The following GALNT11 variants were observed in gnomAD, a reference collection of about 807,000 sequenced individuals.
GALNT11 encodes the protein UDP-GalNAc:polypeptide N-acetylgalactosaminyltransferase 11.
In GALNT11, 47 loss-of-function variants were observed where a neutral mutation model predicts 72.7. The ratio of observed to expected loss-of-function variants is 0.65; its 90% confidence interval spans 0.51 to 0.82. GALNT11 has a LOEUF of 0.82. Among genes scored for constraint, GALNT11 ranks in the 40% least tolerant of loss-of-function variants. The pLI is 0.00. For missense variants in GALNT11, 677 were observed against 778.4 expected (o/e 0.87, Z 1.55); for synonymous variants, 270 against 286.6 (o/e 0.94, Z 0.58).
At chr7:152,048,167 T>C (rs1411045382) in intron 1 of GALNT11, among the ~76,000 whole-genome samples, 1 of 152,078 alleles carries the variant, frequency 6.6e-6, no homozygotes, top group Non-Finnish European at 1.5e-5. Flanking sequence ...AGAATATTTT[T>C]GCGGGATATA....
chr7:152,036,158 T>A (rs1245020504), intron 1 of GALNT11, among the ~76,000 whole-genome samples: 1 of 152,230 alleles, frequency 6.6e-6, no homozygotes, highest in Non-Finnish European at 1.5e-5. Context: ...TTGACTGTAG[T>A]CATGCTGTTG....
intron 1 of GALNT11, among the ~76,000 whole-genome samples, chr7:152,083,820 G>T (rs2085463584): frequency 6.6e-6 from 1 of 152,164 alleles, no homozygotes; most frequent in South Asian, 2.1e-4. Flanking sequence ...TTTTATCCAA[G>T]AATATGGCAT....
intron 1 of GALNT11, among the ~76,000 whole-genome samples, chr7:152,038,037 T>G (rs2151998990): frequency 6.6e-6 from 1 of 152,308 alleles, no homozygotes; most frequent in African/African-American, 2.4e-5. Context: ...CCCAAAGTGC[T>G]TGGATTACAG....
chr7:152,041,103 C>T lies in GALNT11; in HGVS notation c.-39+15219C>T, dbSNP rs147769375. 1.4e-3 allele frequency among the ~76,000 whole-genome samples: 206 copies of T among 152,270 alleles called. 1 individual carries two copies. Among genetic ancestry groups the T allele is most frequent in the East Asian group, 9.3e-3 (48 of 5,184 alleles). ...CAACTGGGAATCCTTGGGATCCTTC[C>T]GGAATCTCTTCCTTGGCATCTGGCT... On this transcript the variant is annotated intron_variant, in intron 1 of 11. Transcript: ENST00000430044.
intron 3 of GALNT11, 126 bp from the exon 4 acceptor site, chr7:152,102,986 A>G (rs2087115318): frequency 2.1e-6 from 2 of 934,440 alleles, no homozygotes; most frequent in Admixed American, 5.7e-5. Context: ...CGTCTCAAAA[A>G]AAAAAAAAAA....
chr7:152,113,712 CTTTTTTTTTTTTTTT>C (rs6150397), intron 8 of GALNT11, among the ~76,000 whole-genome samples: 209 of 96,916 alleles, frequency 2.2e-3, no homozygotes, highest in African/African-American at 3.5e-3. Flanking sequence ...AGTTGGCTTT[CTTTTTTTTTTTTTTT>C]TTTTTTTTTT....
chr7:152,099,541 T>G (rs1298100815), intron 2 of GALNT11, among the ~76,000 whole-genome samples: 3 of 130,284 alleles, frequency 2.3e-5, no homozygotes, highest in Admixed American at 7.7e-5. Context: ...TTTTTTTTTT[T>G]TTTTTTTTTT....
rs780911129 is a variant in GALNT11 at position 152,038,222 on chromosome 7, CA to C, written c.-39+12339del. 2.2e-3 allele frequency among the ~76,000 whole-genome samples: 335 copies of C among 152,232 alleles called. 1 individual carries two copies. Among genetic ancestry groups the C allele is most frequent in the Non-Finnish European group, 4.0e-3 (272 of 68,022 alleles). On this transcript the variant is annotated intron_variant, in intron 1 of 11. Coordinates refer to ENST00000430044, the MANE Select transcript of GALNT11 (RefSeq NM_022087.4). Reference sequence around the variant, plus strand: ...AAATATAGAGTGTGGAATGGGAAATCAGGGGCCTCACAGCCTTCAGAGCTGA... The same window carrying C: ...AAATATAGAGTGTGGAATGGGAAATCGGGGCCTCACAGCCTTCAGAGCTGA...
intron 1 of GALNT11, among the ~76,000 whole-genome samples, chr7:152,028,109 C>G (rs2082120638): frequency 1.3e-5 from 2 of 152,178 alleles, no homozygotes; most frequent in Non-Finnish European, 2.9e-5. Flanking sequence ...TGAGCAGCAG[C>G]AAGATTTATT....
chr7:152,121,787 G>C lies in GALNT11; in HGVS notation c.*110G>C, dbSNP rs2089453731. The C allele has an allele frequency of 5.0e-6, 7 of 1,386,270 alleles. No individual in the cohort carries two copies. In the East Asian group the frequency reaches 1.4e-4, roughly 28 times the overall value. The allele number at this position is 1,386,270 out of a possible 1,614,324, so 85.9% of individuals were successfully genotyped here. ...GGAGCAGAACCATCTTGGAGAAGATGACAGTTCCCTGTCCTCCCGGAGATG... is the reference window on the plus strand; with the variant it reads ...GGAGCAGAACCATCTTGGAGAAGATCACAGTTCCCTGTCCTCCCGGAGATG... On this transcript the variant is annotated 3_prime_UTR_variant, in exon 12 of 12. Coordinates refer to ENST00000430044, the MANE Select transcript of GALNT11 (RefSeq NM_022087.4).
At chr7:152,111,386 C>T (rs2088179172) in intron 7 of GALNT11, among the ~76,000 whole-genome samples, 1 of 152,326 alleles carries the variant, frequency 6.6e-6, no homozygotes, top group African/African-American at 2.4e-5. Context: ...AACTCCTGGA[C>T]TCAAGCAATC....
chr7:152,120,113 T>A (rs1475022478), intron 10 of GALNT11: 1 of 152,274 alleles, frequency 6.6e-6, no homozygotes, highest in Non-Finnish European at 1.5e-5. Context: ...TAGCCACTAG[T>A]CACATTTCAA....
At chr7:152,109,297 A>G (rs6949183) in intron 6 of GALNT11, among the ~76,000 whole-genome samples, 24,535 of 152,228 alleles carry the variant, frequency 0.16, 4,840 homozygotes, top group African/African-American at 0.47. Context: ...TAGGTTGGCA[A>G]TAGCAGACAT....
Position 152,064,965 on chromosome 7 carries a change from C to T in GALNT11, c.-38-29225C>T, listed in dbSNP as rs112422945. Among the ~76,000 whole-genome samples, 5 of 152,208 alleles carry T rather than the reference C, an allele frequency of 3.3e-5. No individual in the cohort carries two copies. The East Asian group carries it at 5.8e-4, about 18-fold the overall frequency. On this transcript the variant is annotated intron_variant, in intron 1 of 11. Transcript: ENST00000430044. ...CTCTTCTCAAGGAGTATCTTTGTGGCGTTCTCTGTATTTCCTGAATTTGAA... is the reference window on the plus strand; with the variant it reads ...CTCTTCTCAAGGAGTATCTTTGTGGTGTTCTCTGTATTTCCTGAATTTGAA...
At chr7:152,115,759 C>T in intron 8 of GALNT11, among the ~76,000 whole-genome samples, 1 of 152,212 alleles carries the variant, frequency 6.6e-6, no homozygotes, top group East Asian at 1.9e-4. Context: ...CTTCCTAGTA[C>T]TTAAAAATTT....
At chr7:152,041,384 C>T (rs907646368) in intron 1 of GALNT11, among the ~76,000 whole-genome samples, 3 of 152,164 alleles carry the variant, frequency 2.0e-5, no homozygotes, top group African/African-American at 7.2e-5. Flanking sequence ...GTATTTGTGC[C>T]TTTATGAGGA....
In GALNT11 at chr7:152,122,011, T is replaced by C. The variant is rs907676014; in HGVS notation, c.*334T>C. ...ATCATTTTAACTCTAGAATTGGGCT[T>C]GTACAGAAGGATAAAACCCAGGAAA... On this transcript the variant is annotated 3_prime_UTR_variant, in exon 12 of 12. Transcript: ENST00000430044. 4 of 203,528 alleles carry C rather than the reference T, an allele frequency of 2.0e-5. No individual in the cohort carries two copies. Among genetic ancestry groups the C allele is most frequent in the Non-Finnish European group, 4.0e-5 (4 of 100,460 alleles). The allele number at this position is 203,528 out of a possible 1,614,324, so 12.6% of individuals were successfully genotyped here. A position where few individuals can be genotyped will look rare whatever the true frequency, so the allele number is the denominator to read the frequency against.
chr7:152,081,685 T>C (rs1486924513), intron 1 of GALNT11, among the ~76,000 whole-genome samples: 1 of 152,212 alleles, frequency 6.6e-6, no homozygotes, highest in African/African-American at 2.4e-5. Flanking sequence ...CCTGACCCCA[T>C]ACCACTCTAT....
At chr7:152,059,435 GC>G (rs996838853) in intron 1 of GALNT11, among the ~76,000 whole-genome samples, 21 of 152,038 alleles carry the variant, frequency 1.4e-4, no homozygotes, top group African/African-American at 5.1e-4. Flanking sequence ...GAATGATAAA[GC>G]TTTTCCAGAA....
Sources: allele counts gnomAD v4.1 joint callset (sites outside exome capture counted in the v4.1 genomes callset), GRCh38; gene constraint gnomAD v4.1.1; transcripts MANE v1.5; gene names NCBI Gene and HGNC (gene_info 2026-07-23, HGNC 2026-07-21).